The following FRMPD3 variants were observed in gnomAD, a reference collection of about 807,000 sequenced individuals.
The protein encoded by FRMPD3 is FERM and PDZ domain containing 3, also known as FERM and PDZ domain-containing protein 3.
A neutral mutation model predicts 97.9 loss-of-function variants in FRMPD3; 42 were observed. The ratio of observed to expected loss-of-function variants is 0.43; its 90% CI spans 0.34 to 0.55. The LOEUF (loss-of-function observed/expected upper bound fraction) is 0.55, where lower values mean the gene tolerates loss of function less well. Among genes scored for constraint, FRMPD3 ranks in the 20% least tolerant of loss-of-function variants. The pLI is 0.03. For synonymous variants in FRMPD3, 577 were observed against 581.1 expected, an observed-to-expected ratio of 0.99 and a Z score of 0.10; for missense variants, 1,303 against 1,457.7, an observed-to-expected ratio of 0.89 and a Z score of 1.73.
intron 8 of FRMPD3, among the ~76,000 whole-genome samples, chrX:107,555,817 A>G (rs1922054731): frequency 8.9e-6 from 1 of 112,064 alleles, no homozygotes; most frequent in Admixed American, 9.5e-5. Context: ...GAGCAAATTC[A>G]AAAGACCACA....
At chrX:107,476,058 C>T (rs1191123544) in intron 1 of FRMPD3, among the ~76,000 whole-genome samples, 4 of 111,313 alleles carry the variant, frequency 3.6e-5, no homozygotes, top group Non-Finnish European at 7.5e-5. Flanking sequence ...TAATTTTTTG[C>T]ATTTTTAGTA....
chrX:107,599,436 G>A (rs1314342927), intron 14 of FRMPD3, among the ~76,000 whole-genome samples: 1 of 110,572 alleles, frequency 9.0e-6, no homozygotes, highest in East Asian at 2.8e-4. Flanking sequence ...GGCCCCCAGG[G>A]CTGGCATTTC....
intron 1 of FRMPD3, among the ~76,000 whole-genome samples, chrX:107,520,450 G>A (rs1415502080): frequency 9.3e-6 from 1 of 107,753 alleles, no homozygotes; most frequent in Admixed American, 1.0e-4. Flanking sequence ...GACCAGCCTA[G>A]CCAATATGGC....
chrX:107,578,229 C>T (rs377536088), intron 13 of FRMPD3, among the ~76,000 whole-genome samples: 2 of 111,787 alleles, frequency 1.8e-5, no homozygotes, highest in East Asian at 2.8e-4. Flanking sequence ...GGAGGGAATC[C>T]ACTTTCAGAA....
intron 1 of FRMPD3, among the ~76,000 whole-genome samples, chrX:107,517,937 AT>A (rs1391231380): frequency 9.2e-6 from 1 of 109,191 alleles, no homozygotes; most frequent in African/African-American, 3.3e-5. Context: ...CAGTTGTGTG[AT>A]TTTTCTCCAG....
At chrX:107,548,218 C>T (rs1282288198) in intron 5 of FRMPD3, among the ~76,000 whole-genome samples, 2 of 112,481 alleles carry the variant, frequency 1.8e-5, no homozygotes, top group African/African-American at 6.5e-5. Context: ...CTTTAGCCAT[C>T]TTATACCTGT....
intron 1 of FRMPD3, among the ~76,000 whole-genome samples, chrX:107,488,415 ACTGT>A (rs1444808809): frequency 8.9e-6 from 1 of 112,470 alleles, no homozygotes; most frequent in Admixed American, 9.4e-5. Flanking sequence ...TTGGAAAGTG[ACTGT>A]CTGTGTATCC....
intron 1 of FRMPD3, among the ~76,000 whole-genome samples, chrX:107,495,998 A>G (rs780260598): frequency 9.0e-6 from 1 of 111,633 alleles, no homozygotes; most frequent in South Asian, 3.8e-4. Context: ...GATCTTTAGC[A>G]AGTTTCTTAA....
chrX:107,554,536 C>A, intron 8 of FRMPD3, 32 bp downstream of exon 8: 1 of 1,191,981 alleles, frequency 8.4e-7, no homozygotes, highest in Non-Finnish European at 1.1e-6. Flanking sequence ...CACAGACAGA[C>A]CAGTGGACAA....
intron 1 of FRMPD3, among the ~76,000 whole-genome samples, chrX:107,519,636 C>T (rs1432614709): frequency 9.0e-6 from 1 of 111,632 alleles, no homozygotes; most frequent in Non-Finnish European, 1.9e-5. Flanking sequence ...GTGGGACCAA[C>T]TTAGGAAATC....
chrX:107,483,950 G>C (rs190350140), intron 1 of FRMPD3, among the ~76,000 whole-genome samples: 7 of 111,635 alleles, frequency 6.3e-5, no homozygotes, highest in Non-Finnish European at 1.3e-4. Context: ...CTCAGCTGGA[G>C]AGCTTTGTTA....
At chrX:107,528,993 C>A (rs1032771343) in intron 2 of FRMPD3, among the ~76,000 whole-genome samples, 2 of 113,124 alleles carry the variant, frequency 1.8e-5, no homozygotes, top group Middle Eastern at 4.6e-3. Flanking sequence ...GGAATTTGGG[C>A]AGCCCCCTTC....
intron 10 of FRMPD3, among the ~76,000 whole-genome samples, chrX:107,561,546 A>G (rs1445052335): frequency 9.0e-6 from 1 of 110,517 alleles, no homozygotes; most frequent in Admixed American, 9.7e-5. Flanking sequence ...TAGTGCTCTG[A>G]GGGACTCCCA....
rs190525274 is a variant in FRMPD3 at position 107,503,858 on chromosome X, C to T, written c.-7-22724C>T. Among the ~76,000 whole-genome samples, 7 of 111,912 alleles carry T rather than the reference C, an allele frequency of 6.3e-5. No individual in the cohort carries two copies. The East Asian group carries it at 2.0e-3, about 32-fold the overall frequency. On this transcript the variant is annotated intron_variant, in intron 1 of 14. Transcript: ENST00000683843. ...AAAAGTGAATCCAGGGTTCAGGCCACCCTGATGGGCAAGGAAGGAGTATTT... is the reference window on the plus strand; with the variant it reads ...AAAAGTGAATCCAGGGTTCAGGCCATCCTGATGGGCAAGGAAGGAGTATTT...
chrX:107,586,239 T>G (rs1392303078), intron 13 of FRMPD3, among the ~76,000 whole-genome samples: 2 of 112,138 alleles, frequency 1.8e-5, no homozygotes, highest in Non-Finnish European at 3.8e-5. Context: ...TAGAGGTGTT[T>G]ATAGTATTCT....
At chrX:107,518,476 G>A (rs904216860) in intron 1 of FRMPD3, among the ~76,000 whole-genome samples, 1 of 111,595 alleles carries the variant, frequency 9.0e-6, no homozygotes. Flanking sequence ...AGGTCTCCTC[G>A]TCACCCTGTG....
At chrX:107,455,732 C>T (rs533172181) in intron 1 of FRMPD3, among the ~76,000 whole-genome samples, 1 of 111,403 alleles carries the variant, frequency 9.0e-6, no homozygotes, top group Admixed American at 9.5e-5. Flanking sequence ...ATCGCATCTC[C>T]CCCTGCACAT....
chrX:107,575,295 A>G (rs750551568), intron 12 of FRMPD3, among the ~76,000 whole-genome samples: 19 of 112,174 alleles, frequency 1.7e-4, no homozygotes, highest in African/African-American at 6.1e-4. Flanking sequence ...GCACAACTAT[A>G]TATTAAAGGG....
At chrX:107,492,846 A>G (rs1473009873) in intron 1 of FRMPD3, among the ~76,000 whole-genome samples, 1 of 111,166 alleles carries the variant, frequency 9.0e-6, no homozygotes, top group Admixed American at 9.6e-5. Flanking sequence ...ACAGCTAGAA[A>G]CCCTTTCATG....
Sources: gnomAD v4.1 joint callset for allele counts (sites outside exome capture counted in the v4.1 genomes callset) on GRCh38, gnomAD v4.1.1 for gene constraint, MANE v1.5 for transcripts, NCBI Gene and HGNC (gene_info 2026-07-23, HGNC 2026-07-21) for gene names.